AQR: variants seen among roughly 807,000 people sequenced by gnomAD.
The protein encoded by AQR is RNA helicase aquarius.
In AQR, 61 loss-of-function variants were observed where a neutral mutation model predicts 180.5. The ratio of observed to expected loss-of-function variants is 0.34; its 90% confidence interval spans 0.28 to 0.42. The LOEUF is 0.42. Ranked by LOEUF, AQR falls within the 10% of genes least tolerant of loss-of-function variation. The probability of loss-of-function intolerance (pLI) is 1.00; values close to 1 mark genes in which losing one functional copy is unlikely to be tolerated. For missense variants in AQR, 1,281 were observed against 1,798.3 expected, an observed-to-expected ratio of 0.71 and a Z score of 5.20; for synonymous variants, 551 against 588.8, an observed-to-expected ratio of 0.94 and a Z score of 0.93.
At position 34,853,989 on chromosome 15, in the gene AQR, T is replaced by C. The variant is rs1235553546; in HGVS notation, c.*2803A>G. 3.3e-5 allele frequency: 5 copies of C among 152,210 alleles called. No homozygotes were observed. Among genetic ancestry groups the C allele is most frequent in the African/African-American group, 1.2e-4 (5 of 41,460 alleles). The allele number at this position is 152,210 out of a possible 1,614,324, so 9.4% of individuals were successfully genotyped here. The stretch of plus-strand genomic sequence containing the variant: ...TTTCATTTGTTTACAGGAGCACAAA[T>C]GGCCTATTTATGCCTTTTCTCTCAG... On this transcript the variant is annotated 3_prime_UTR_variant, in exon 35 of 35. Transcript: ENST00000156471.
rs1892528372 is a variant in AQR, at chr15:34,852,432, A to G, written c.*4360T>C. 6.6e-6 allele frequency: 1 copy of G among 152,258 alleles called. No homozygotes were observed. Among genetic ancestry groups the G allele is most frequent in the Non-Finnish European group, 1.5e-5 (1 of 68,094 alleles). 9.4% of individuals were successfully genotyped at this position (152,258 alleles called of 1,614,324 possible). A position where few individuals can be genotyped will look rare whatever the true frequency, so the allele number is the denominator to read the frequency against. ...GTGATCCGCCCGCCTGGGCCTCCCA[A>G]AGTGCTGGGATTACAGGCGTGAGCC... On this transcript the variant is annotated 3_prime_UTR_variant, in exon 35 of 35. Coordinates refer to ENST00000156471, the MANE Select transcript of AQR (RefSeq NM_014691.3).
intron 33 of AQR, among the ~76,000 whole-genome samples, chr15:34,861,885 G>A (rs1310336404): frequency 6.6e-6 from 1 of 151,762 alleles, no homozygotes; most frequent in Non-Finnish European, 1.5e-5. Flanking sequence ...AGGGGTGGAG[G>A]GAAGACGTAT....
At position 34,938,829 on chromosome 15, in the gene AQR, A is replaced by G. The variant is rs752095626; in HGVS notation, c.642-16T>C. On this transcript the variant is annotated splice_polypyrimidine_tract_variant and intron_variant, in intron 8 of 34. Coordinates refer to ENST00000156471, the MANE Select transcript of AQR (RefSeq NM_014691.3). ...TTGATATGCCCTAAAATCAGAAAGAACATTGACCAATTATTTTTGAAGAAT... is the reference window on the plus strand; with the variant it reads ...TTGATATGCCCTAAAATCAGAAAGAGCATTGACCAATTATTTTTGAAGAAT... 1.3e-6 allele frequency: 2 copies of G among 1,553,224 alleles called. No individual in the cohort carries two copies. The highest frequency in any genetic ancestry group is 2.3e-5 in the South Asian group (2 of 87,108).
intron 22 of AQR, among the ~76,000 whole-genome samples, chr15:34,895,690 C>T (rs899808805): frequency 7.9e-5 from 12 of 151,902 alleles, no homozygotes; most frequent in African/African-American, 2.4e-4. Context: ...ATCCATGAAG[C>T]TTCAAAATAC....
chr15:34,947,859 T>G (rs1003897081), intron 5 of AQR, among the ~76,000 whole-genome samples: 9 of 152,156 alleles, frequency 5.9e-5, no homozygotes, highest in Non-Finnish European at 1.2e-4. Flanking sequence ...AGGCTGGTCT[T>G]GAACTCCTGG....
chr15:34,882,495 T>C lies in AQR; in HGVS notation c.3165+7A>G, dbSNP rs2140467280. 1.3e-6 allele frequency: 2 copies of C among 1,508,852 alleles called. No individual in the cohort carries two copies. The highest frequency in any genetic ancestry group is 1.8e-6 in the Non-Finnish European group (2 of 1,130,644). 93.5% of individuals were successfully genotyped at this position (1,508,852 alleles called of 1,614,324 possible). Reference sequence around the variant, plus strand: ...AAAAAAAAAAAAAAACTACCATAAGTCTTTACCTTGAAACCTAGCTTGACC... The same window carrying C: ...AAAAAAAAAAAAAAACTACCATAAGCCTTTACCTTGAAACCTAGCTTGACC... On this transcript the variant is annotated splice_region_variant and intron_variant, in intron 27 of 34. Transcript: ENST00000156471.
rs1893315815 is a variant in AQR, at chr15:34,900,527, T to C, written c.2243+95A>G. On this transcript the variant is annotated intron_variant, in intron 20 of 34. Transcript: ENST00000156471. Reference sequence around the variant, plus strand: ...GGACTGCTAAAACAAAATCCAAATATAGTACTCAAAACTCACTTTAGCTAA... The same window carrying C: ...GGACTGCTAAAACAAAATCCAAATACAGTACTCAAAACTCACTTTAGCTAA... 10 of 1,455,640 alleles carry C rather than the reference T, an allele frequency of 6.9e-6. No homozygotes were observed. The East Asian group carries it at 6.9e-5, about 10-fold the overall frequency. 90.2% of individuals were successfully genotyped at this position (1,455,640 alleles called of 1,614,324 possible).
At chr15:34,857,891 G>A (rs932548168) in intron 34 of AQR, among the ~76,000 whole-genome samples, 5 of 152,338 alleles carry the variant, frequency 3.3e-5, no homozygotes, top group African/African-American at 1.2e-4. Flanking sequence ...AACTCTATAT[G>A]CTTAGCTTGC....
intron 19 of AQR, among the ~76,000 whole-genome samples, chr15:34,902,383 C>T (rs1418188770): frequency 1.3e-5 from 2 of 152,140 alleles, no homozygotes; most frequent in South Asian, 2.1e-4. Flanking sequence ...AGATGCTACA[C>T]AGATACATAA....
At position 34,853,688 on chromosome 15, in the gene AQR, A is replaced by G. The variant is rs1892546565; in HGVS notation, c.*3104T>C. On this transcript the variant is annotated 3_prime_UTR_variant, in exon 35 of 35. Coordinates refer to ENST00000156471, the MANE Select transcript of AQR (RefSeq NM_014691.3). ...TCCTACATTGTCAACAAAGCTTTGA[A>G]GAAAAACAGAGACAGAAACTGGTAT... The G allele has an allele frequency of 6.6e-6, 1 of 152,242 alleles. No individual in the cohort carries two copies. The highest frequency in any genetic ancestry group is 2.4e-5 in the African/African-American group (1 of 41,462). 9.4% of individuals were successfully genotyped at this position (152,242 alleles called of 1,614,324 possible). A position where few individuals can be genotyped will look rare whatever the true frequency, so the allele number is the denominator to read the frequency against.
At chr15:34,938,681 C>T in intron 9 of AQR, 56 bp downstream of exon 9, 1 of 1,124,242 alleles carries the variant, frequency 8.9e-7, no homozygotes. Context: ...TGAGTAAATA[C>T]CATAGGGGCA....
chr15:34,911,029 G>A (rs1893491391), intron 16 of AQR, among the ~76,000 whole-genome samples: 1 of 152,060 alleles, frequency 6.6e-6, no homozygotes, highest in Non-Finnish European at 1.5e-5. Context: ...GAGATAATCA[G>A]TTTTTGTCTA....
At chr15:34,894,728 TA>T (rs1283581504) in intron 22 of AQR, among the ~76,000 whole-genome samples, 5 of 152,080 alleles carry the variant, frequency 3.3e-5, no homozygotes, top group African/African-American at 1.2e-4. Flanking sequence ...GGAAGGAAGG[TA>T]AAGGAAACTT....
rs1763320265 is a variant in AQR, at chr15:34,856,066, T to C, written c.*726A>G. 1 of 152,692 alleles carries C rather than the reference T, an allele frequency of 6.5e-6. No individual in the cohort carries two copies. The highest frequency in any genetic ancestry group is 1.9e-4 in the East Asian group (1 of 5,210). 9.5% of individuals were successfully genotyped at this position (152,692 alleles called of 1,614,324 possible). A position where few individuals can be genotyped will look rare whatever the true frequency, so the allele number is the denominator to read the frequency against. On this transcript the variant is annotated 3_prime_UTR_variant, in exon 35 of 35. Coordinates refer to ENST00000156471, the MANE Select transcript of AQR (RefSeq NM_014691.3). ...TGGCAGAGTCCTCCTATTTAGCTGA[T>C]GACAAATCCTGGCTCAGCCTAACCA... is the stretch of plus-strand genomic sequence containing the variant.
intron 18 of AQR, among the ~76,000 whole-genome samples, chr15:34,905,908 G>A (rs571998263): frequency 6.6e-6 from 1 of 151,992 alleles, no homozygotes; most frequent in African/African-American, 2.4e-5. Flanking sequence ...GCGGTGGCAG[G>A]CACCTGTAAT....
intron 23 of AQR, among the ~76,000 whole-genome samples, chr15:34,890,648 C>T (rs1893129926): frequency 1.3e-5 from 2 of 152,160 alleles, no homozygotes; most frequent in South Asian, 4.1e-4. Flanking sequence ...TTTCATTCAA[C>T]AGCATTTCCT....
intron 17 of AQR, 85 bp downstream of exon 17, chr15:34,910,050 T>C (rs1893475633): frequency 6.8e-7 from 1 of 1,460,832 alleles, no homozygotes; most frequent in East Asian, 2.3e-5. Flanking sequence ...AAGGATAACA[T>C]TTAGTAAAAG....
At chr15:34,920,306 A>C in intron 14 of AQR, 26 bp downstream of exon 14, 2 of 1,546,154 alleles carry the variant, frequency 1.3e-6, no homozygotes, top group Non-Finnish European at 1.8e-6. Context: ...AACCACATGC[A>C]AAATTCAGAG....
Position 34,938,812 on chromosome 15 carries a change from C to T in AQR, c.643G>A (p.Ala215Thr), listed in dbSNP as rs750410565. ...GAAAGAAATCTCCTCTCTTGATATG[C>T]CCTAAAATCAGAAAGAACATTGACC... ...EKMDPEAREQ[A>T]YQERRFLSQL... The change falls in exon 9 of 35, where the codon GCA becomes ACA. Residue 215 changes from alanine to threonine, a missense_variant and splice_region_variant. Physicochemically the swap from Ala to Thr is moderately conservative, Grantham distance 58 (BLOSUM62 0). Transcript: ENST00000156471. The T allele has an allele frequency of 6.2e-7, 1 of 1,601,240 alleles. No homozygotes were observed. Among genetic ancestry groups the T allele is most frequent in the South Asian group, 1.1e-5 (1 of 89,578 alleles).
Sources: gnomAD v4.1 joint callset for allele counts (sites outside exome capture counted in the v4.1 genomes callset) on GRCh38, gnomAD v4.1.1 for gene constraint, MANE v1.5 for transcripts, NCBI Gene and HGNC (gene_info 2026-07-23, HGNC 2026-07-21) for gene names.